TMTC4: variants seen among roughly 807,000 people sequenced by gnomAD.
TMTC4 encodes the protein transmembrane O-mannosyltransferase targeting cadherins 4, also known as protein O-mannosyl-transferase TMTC4.
TMTC4 carries 65 observed loss-of-function variants against 86.0 expected under a neutral mutation model. The observed-to-expected ratio is 0.76, with a 90% CI of 0.62 to 0.93. TMTC4 has a LOEUF of 0.93. Among genes scored for constraint, TMTC4 ranks in the 40% least tolerant of loss-of-function variants. The pLI is 0.00. For synonymous variants in TMTC4, 379 were observed against 382.5 expected, an observed-to-expected ratio of 0.99 and a Z score of 0.11; for missense variants, 866 against 948.1, an observed-to-expected ratio of 0.91 and a Z score of 1.14.
chr13:100,632,985 A>T (rs1484135643), intron 12 of TMTC4, among the ~76,000 whole-genome samples: 1 of 152,120 alleles, frequency 6.6e-6, no homozygotes, highest in Non-Finnish European at 1.5e-5. Flanking sequence ...TCTTCCCAAC[A>T]TAATGCAAAA....
At chr13:100,656,258 G>T in intron 6 of TMTC4, 123 bp downstream of exon 6, 1 of 746,220 alleles carries the variant, frequency 1.3e-6, no homozygotes, top group Non-Finnish European at 2.2e-6. Flanking sequence ...GCATCCTCTG[G>T]CCCAGATCCC....
chr13:100,645,620 G>A (rs929231511), intron 6 of TMTC4, among the ~76,000 whole-genome samples: 3 of 149,872 alleles, frequency 2.0e-5, no homozygotes, highest in African/African-American at 7.3e-5. Flanking sequence ...CCCGTGCACC[G>A]CTCCAAGTCC....
intron 5 of TMTC4, among the ~76,000 whole-genome samples, chr13:100,662,203 C>T (rs1885863436): frequency 7.1e-6 from 1 of 141,596 alleles, no homozygotes. Context: ...TCTCCACCCT[C>T]CTCCACCTCA....
chr13:100,655,724 A>G (rs1469250591), intron 6 of TMTC4, among the ~76,000 whole-genome samples: 1 of 152,206 alleles, frequency 6.6e-6, no homozygotes, highest in Non-Finnish European at 1.5e-5. Flanking sequence ...CAAACTCTCT[A>G]ATGTATCAGA....
Position 100,605,260 on chromosome 13 carries a change from G to T in TMTC4, c.2135-118C>A. The T allele has an allele frequency of 8.5e-7, 1 of 1,182,792 alleles. No homozygotes were observed. Among genetic ancestry groups the T allele is most frequent in the Non-Finnish European group, 1.2e-6 (1 of 847,882 alleles). The allele number at this position is 1,182,792 out of a possible 1,614,324, so 73.3% of individuals were successfully genotyped here. A position where few individuals can be genotyped will look rare whatever the true frequency, so the allele number is the denominator to read the frequency against. The stretch of plus-strand genomic sequence containing the variant: ...TGCAAACAGTTTTCAAAAGTCAATT[G>T]TATGAAACAATATTGTTTGTACTGA... On this transcript the variant is annotated intron_variant, in intron 18 of 18. Transcript: ENST00000342624. The surrounding 1 kb of genome is among the most constrained non-coding windows in gnomAD (Gnocchi z 4.3).
intron 15 of TMTC4, chr13:100,625,075 C>G (rs181971776): frequency 2.1e-4 from 33 of 159,832 alleles, no homozygotes; most frequent in Non-Finnish European, 3.6e-4. Flanking sequence ...CCAAAGCTGC[C>G]TTTTTTGGGG....
In TMTC4 at chr13:100,638,051, A is replaced by G. The variant is rs531535025; in HGVS notation, c.742-29T>C. On this transcript the variant is annotated intron_variant, in intron 7 of 18. Coordinates refer to ENST00000342624, the MANE Select transcript of TMTC4 (RefSeq NM_032813.5). ...AGAAAGCAAAGCAAGACAATCAGCCACGGGAGAGCTTGGCTGTGTTAGGCA... is the reference window on the plus strand; with the variant it reads ...AGAAAGCAAAGCAAGACAATCAGCCGCGGGAGAGCTTGGCTGTGTTAGGCA... The G allele has an allele frequency of 3.1e-6, 5 of 1,592,034 alleles. No individual in the cohort carries two copies. The African/African-American group carries it at 5.4e-5, about 17-fold the overall frequency.
intron 5 of TMTC4, among the ~76,000 whole-genome samples, chr13:100,658,965 TAAGC>T (rs1295767726): frequency 6.6e-6 from 1 of 152,222 alleles, no homozygotes; most frequent in Non-Finnish European, 1.5e-5. Context: ...AGAATGTACA[TAAGC>T]AAGAAAACAT....
chr13:100,656,542 C>A (rs1305632231), intron 5 of TMTC4, 74 bp from the exon 6 acceptor site: 1 of 384,138 alleles, frequency 2.6e-6, no homozygotes, highest in Non-Finnish European at 4.2e-6. Context: ...GGAGACATAA[C>A]TTTTTTTTTT....
chr13:100,674,218 C>G (rs1887522824), intron 1 of TMTC4: 1 of 981,612 alleles, frequency 1.0e-6, no homozygotes, highest in Non-Finnish European at 1.2e-6. Context: ...GCTCCGCAGC[C>G]GAGCGTGGAG....
rs973522123 is a variant in TMTC4 at position 100,604,419 on chromosome 13, T to C, written c.*575A>G. On this transcript the variant is annotated 3_prime_UTR_variant, in exon 19 of 19. Coordinates refer to ENST00000342624, the MANE Select transcript of TMTC4 (RefSeq NM_032813.5). The stretch of plus-strand genomic sequence containing the variant: ...TGGGGAAAAGCATATAGATATACTA[T>C]GTTAAAACTTCCATTCCTCATTCGA... The C allele has an allele frequency of 2.0e-5, 3 of 152,316 alleles. No homozygotes were observed. The highest frequency in any genetic ancestry group is 3.2e-3 in the Middle Eastern group (1 of 316). The allele number at this position is 152,316 out of a possible 1,614,324, so 9.4% of individuals were successfully genotyped here. A position where few individuals can be genotyped will look rare whatever the true frequency, so the allele number is the denominator to read the frequency against.
At chr13:100,628,603 A>T (rs139757556) in intron 12 of TMTC4, among the ~76,000 whole-genome samples, 124 of 152,080 alleles carry the variant, frequency 8.2e-4, no homozygotes, top group East Asian at 2.9e-3. Context: ...ACCTCCATTT[A>T]AAAAAAAGAG....
intron 1 of TMTC4, among the ~76,000 whole-genome samples, chr13:100,673,564 A>C (rs1372920815): frequency 1.3e-5 from 2 of 152,182 alleles, no homozygotes; most frequent in Non-Finnish European, 2.9e-5. Context: ...TGGGCCCCTC[A>C]AGGCAGGGGC....
intron 5 of TMTC4, among the ~76,000 whole-genome samples, chr13:100,660,187 C>T (rs1284963862): frequency 2.6e-5 from 4 of 151,352 alleles, no homozygotes; most frequent in South Asian, 4.2e-4. Flanking sequence ...AAAAATTAAC[C>T]GGATGTGGTG....
At chr13:100,633,282 C>A (rs1373849482) in intron 12 of TMTC4, among the ~76,000 whole-genome samples, 1 of 133,474 alleles carries the variant, frequency 7.5e-6, no homozygotes. Flanking sequence ...GCACTCCAGC[C>A]TGGGCAACAG....
Position 100,670,347 on chromosome 13 carries a change from C to A in TMTC4, c.3+13G>T. ...TGAAGATGGAGACAGATCCAACAGGCAACGGGACACACCATTCCATGGTGA... is the reference window on the plus strand; with the variant it reads ...TGAAGATGGAGACAGATCCAACAGGAAACGGGACACACCATTCCATGGTGA... On this transcript the variant is annotated intron_variant, in intron 2 of 18. Transcript: ENST00000342624. The A allele has an allele frequency of 6.2e-7, 1 of 1,609,240 alleles. No individual in the cohort carries two copies. Among genetic ancestry groups the A allele is most frequent in the African/African-American group, 1.3e-5 (1 of 74,776 alleles).
chr13:100,631,847 G>T (rs1249601013), intron 12 of TMTC4, among the ~76,000 whole-genome samples: 1 of 151,998 alleles, frequency 6.6e-6, no homozygotes, highest in Admixed American at 6.6e-5. Flanking sequence ...CAAAAAAAAG[G>T]AAGTAAAGAT....
chr13:100,625,506 T>G (rs752047904), intron 15 of TMTC4, 29 bp downstream of exon 15: 1 of 1,611,726 alleles, frequency 6.2e-7, no homozygotes, highest in South Asian at 1.1e-5. Context: ...CATCTTTCCT[T>G]CCACAGGCAC....
intron 6 of TMTC4, among the ~76,000 whole-genome samples, chr13:100,643,023 T>A (rs1050952709): frequency 1.3e-5 from 2 of 152,036 alleles, no homozygotes; most frequent in African/African-American, 4.8e-5. Context: ...GGGTGGCAGC[T>A]CCAGTAACCA....
Sources: gnomAD v4.1 joint callset for allele counts (sites outside exome capture counted in the v4.1 genomes callset) on GRCh38, gnomAD v4.1.1 for gene constraint, Gnocchi (gnomAD v3.1) non-coding constraint, MANE v1.5 for transcripts, NCBI Gene and HGNC (gene_info 2026-07-23, HGNC 2026-07-21) for gene names.